Variants in DYSF observed in about 807,000 individuals in gnomAD.
DYSF encodes dystrophy-associated fer-1-like 1.
In DYSF, 212 loss-of-function variants were observed where a neutral mutation model predicts 274.9. The observed-to-expected ratio is 0.77, with a 90% confidence interval of 0.69 to 0.86. The LOEUF (loss-of-function observed/expected upper bound fraction) is 0.86. DYSF is among the 40% of genes least tolerant of loss of function. DYSF has a pLI of 0.00. For synonymous variants in DYSF, 1,091 were observed against 1,078.7 expected (o/e 1.01, Z -0.22); for missense variants, 2,666 against 2,783.2 (o/e 0.96, Z 0.95).
At chr2:71,670,921 C>T (rs1251034933) in intron 51 of DYSF, among the ~76,000 whole-genome samples, 1 of 152,136 alleles carries the variant, frequency 6.6e-6, no homozygotes, top group Non-Finnish European at 1.5e-5. Context: ...GTAAATGCCT[C>T]TCTGGCATCT....
At chr2:71,617,887 T>TGTGGTAGAGGTGTGTGTGG in intron 40 of DYSF, among the ~76,000 whole-genome samples, 1 of 89,238 alleles carries the variant, frequency 1.1e-5, no homozygotes, top group Non-Finnish European at 2.3e-5. Context: ...GGGGTGTGTG[T>TGTGGTAGAGGTGTGTGTGG]GGTAGAGGTG....
chr2:71,552,499 C>T (rs1265568667), intron 19 of DYSF, among the ~76,000 whole-genome samples: 6 of 152,338 alleles, frequency 3.9e-5, no homozygotes, highest in East Asian at 1.9e-4. Flanking sequence ...GTCCCCATCC[C>T]GTGCTCAGAG....
chr2:71,611,302 G>T lies in DYSF; in HGVS notation c.4015G>T (p.Val1339Phe), dbSNP rs767889531. The change falls in exon 37 of 56, where the codon GTT becomes TTT. Residue 1339 changes from valine (V) to phenylalanine (F), a missense_variant. Coordinates refer to ENST00000410020, the MANE Select transcript of DYSF (RefSeq NM_001130987.2). ...CCAGAGGGAGGCCAACATCTACATG[G>T]TTCCTCAGAACATCAAGCCAGCGCT... ...PPQREANIYM[V>F]PQNIKPALQR... 21 of 1,613,904 alleles carry T rather than the reference G, an allele frequency of 1.3e-5. No homozygotes were observed. The Admixed American group carries it at 3.5e-4, about 27-fold the overall frequency.
chr2:71,491,816 A>G (rs2083879314), intron 3 of DYSF, among the ~76,000 whole-genome samples: 1 of 152,126 alleles, frequency 6.6e-6, no homozygotes, highest in Non-Finnish European at 1.5e-5. Flanking sequence ...TCTATCATCG[A>G]TGGGCATTTA....
At chr2:71,638,910 C>A (rs886503223) in intron 41 of DYSF, among the ~76,000 whole-genome samples, 1 of 152,206 alleles carries the variant, frequency 6.6e-6, no homozygotes, top group Non-Finnish European at 1.5e-5. Context: ...AACTGCCAAA[C>A]TGTTTTTCAA....
intron 32 of DYSF, among the ~76,000 whole-genome samples, chr2:71,591,185 C>A (rs1426322173): frequency 6.6e-6 from 1 of 152,258 alleles, no homozygotes; most frequent in Non-Finnish European, 1.5e-5. Flanking sequence ...CGCTCTCTGT[C>A]TAGAACACAT....
intron 2 of DYSF, among the ~76,000 whole-genome samples, chr2:71,481,480 T>A (rs1339682321): frequency 6.6e-6 from 1 of 152,230 alleles, no homozygotes; most frequent in Admixed American, 6.5e-5. Flanking sequence ...TCGTGCTGCC[T>A]ACCAGGGCCT....
At chr2:71,508,215 T>C (rs1004943962) in intron 4 of DYSF, among the ~76,000 whole-genome samples, 2 of 152,206 alleles carry the variant, frequency 1.3e-5, no homozygotes, top group African/African-American at 4.8e-5. Context: ...TCCTAAGCCA[T>C]TTGACATGAG....
intron 1 of DYSF, chr2:71,454,118 C>A (rs1291267226): frequency 1.2e-6 from 2 of 1,602,478 alleles, no homozygotes; most frequent in African/African-American, 2.7e-5. Flanking sequence ...CGCCCGGGGT[C>A]GGGGTGGGGT....
chr2:71,593,271 T>C (rs560326219), intron 32 of DYSF, among the ~76,000 whole-genome samples: 1 of 152,126 alleles, frequency 6.6e-6, no homozygotes, highest in African/African-American at 2.4e-5. Flanking sequence ...TAGCTAGGAT[T>C]ACAGGCACCC....
At chr2:71,547,333 A>G (rs1169064228) in intron 17 of DYSF, among the ~76,000 whole-genome samples, 1 of 152,244 alleles carries the variant, frequency 6.6e-6, no homozygotes, top group African/African-American at 2.4e-5. Context: ...AGGCTTGCTG[A>G]ATGAACAAAT....
At chr2:71,646,590 A>G (rs1040162418) in intron 42 of DYSF, among the ~76,000 whole-genome samples, 6 of 152,218 alleles carry the variant, frequency 3.9e-5, no homozygotes, top group Admixed American at 6.5e-5. Context: ...GGTGCAGGAA[A>G]ACAGATTTTA....
chr2:71,613,327 C>G lies in DYSF; in HGVS notation c.4388-7C>G, dbSNP rs1209019931. ...CTCTCAGGCCTGGATGGCTCCCTCC[C>G]CTGCAGACGATGTGAGCCTACTCAG... On this transcript the variant is annotated splice_region_variant and splice_polypyrimidine_tract_variant and intron_variant, in intron 39 of 55. Coordinates refer to ENST00000410020, the MANE Select transcript of DYSF (RefSeq NM_001130987.2). 12 of 1,611,490 alleles carry G rather than the reference C, an allele frequency of 7.4e-6. No individual in the cohort carries two copies. Among genetic ancestry groups the G allele is most frequent in the Non-Finnish European group, 1.0e-5 (12 of 1,179,026 alleles).
At chr2:71,636,211 T>C (rs2094400030) in intron 41 of DYSF, among the ~76,000 whole-genome samples, 1 of 151,966 alleles carries the variant, frequency 6.6e-6, no homozygotes, top group African/African-American at 2.4e-5. Context: ...TTATTCTGAG[T>C]GAGCTGACAA....
At chr2:71,634,337 C>A (rs964617702) in intron 41 of DYSF, among the ~76,000 whole-genome samples, 1 of 152,200 alleles carries the variant, frequency 6.6e-6, no homozygotes, top group Non-Finnish European at 1.5e-5. Context: ...AACATACCAC[C>A]ATTTCCCTTT....
chr2:71,627,630 TTGTG>T (rs1365604412), intron 41 of DYSF, among the ~76,000 whole-genome samples: 1 of 152,104 alleles, frequency 6.6e-6, no homozygotes, highest in Non-Finnish European at 1.5e-5. Flanking sequence ...CTCCTGATTT[TTGTG>T]TGTGTGTGGT....
At chr2:71,554,145 C>T (rs1037569069) in intron 21 of DYSF, among the ~76,000 whole-genome samples, 1 of 152,190 alleles carries the variant, frequency 6.6e-6, no homozygotes, top group Non-Finnish European at 1.5e-5. Flanking sequence ...TGTGAGCAAT[C>T]TGAGGCAGCC....
chr2:71,640,264 CT>C (rs1187554544), intron 41 of DYSF, among the ~76,000 whole-genome samples: 11 of 152,318 alleles, frequency 7.2e-5, no homozygotes, highest in African/African-American at 2.4e-4. Context: ...CTGACTATTG[CT>C]TTAAAATATT....
intron 36 of DYSF, among the ~76,000 whole-genome samples, chr2:71,609,633 C>G (rs568973155): frequency 2.8e-4 from 42 of 152,350 alleles, no homozygotes; most frequent in Non-Finnish European, 4.3e-4. Context: ...GTTGAGTAAT[C>G]TGTCCAAGGC....
Sources: gnomAD v4.1 joint callset for allele counts (sites outside exome capture counted in the v4.1 genomes callset) on GRCh38, gnomAD v4.1.1 for gene constraint, MANE v1.5 for transcripts, NCBI Gene and HGNC (gene_info 2026-07-23, HGNC 2026-07-21) for gene names.